SLC9A9: variants seen among roughly 807,000 people sequenced by gnomAD.
SLC9A9 encodes solute carrier family 9 member A9.
SLC9A9 carries 62 observed loss-of-function variants against 77.8 expected under a neutral mutation model. That is an observed-to-expected ratio of 0.80 (90% CI 0.65 to 0.98). The LOEUF (loss-of-function observed/expected upper bound fraction) is 0.98, where lower values mean the gene tolerates loss of function less well. SLC9A9 is among the 50% of genes least tolerant of loss of function. The probability of loss-of-function intolerance (pLI) is 0.00; values close to 1 mark genes in which losing one functional copy is unlikely to be tolerated. For synonymous variants in SLC9A9, 320 were observed against 283.5 expected (o/e 1.13, Z -1.29); for missense variants, 775 against 774.9 (o/e 1.00, Z 0.00).
At chr3:143,502,963 T>G (rs148716303) in intron 9 of SLC9A9, among the ~76,000 whole-genome samples, 2 of 152,256 alleles carry the variant, frequency 1.3e-5, no homozygotes, top group African/African-American at 4.8e-5. Context: ...AGCTGGCATA[T>G]AGGTGAATAA....
At chr3:143,304,098 C>G (rs2030662451) in intron 14 of SLC9A9, among the ~76,000 whole-genome samples, 1 of 152,184 alleles carries the variant, frequency 6.6e-6, no homozygotes, top group African/African-American at 2.4e-5. Context: ...CTTAGTCACC[C>G]ACTGGAATGG....
rs71140437 is a variant in SLC9A9, at chr3:143,456,568, C to CT, written c.1469+10468dup. Among the ~76,000 whole-genome samples the CT allele has an allele frequency of 8.0e-3, 1,140 of 142,622 alleles. 10 individuals are homozygous for CT. The highest frequency in any genetic ancestry group is 0.023 in the African/African-American group (879 of 38,704). 93.6% of individuals were successfully genotyped at this position (142,622 alleles called of 152,430 possible). On this transcript the variant is annotated intron_variant, in intron 12 of 15. Transcript: ENST00000316549. Reference sequence around the variant, plus strand: ...AACTCTAAATTCTATTTCTTTCTTTCTTTTTTTTTTTTTTGAGATAGAGTC... The same window carrying CT: ...AACTCTAAATTCTATTTCTTTCTTTCTTTTTTTTTTTTTTTGAGATAGAGTC...
intron 9 of SLC9A9, among the ~76,000 whole-genome samples, chr3:143,497,707 G>A (rs1046861506): frequency 5.3e-5 from 8 of 152,166 alleles, no homozygotes; most frequent in Admixed American, 6.5e-5. Context: ...AAGAGATCAC[G>A]AAATCACTTT....
chr3:143,317,965 G>A (rs2031281594), intron 14 of SLC9A9, among the ~76,000 whole-genome samples: 1 of 152,156 alleles, frequency 6.6e-6, no homozygotes, highest in Non-Finnish European at 1.5e-5. Context: ...CTGACCTCAT[G>A]ATCTGCCCAC....
At chr3:143,743,729 T>C (rs1212077589) in intron 4 of SLC9A9, among the ~76,000 whole-genome samples, 2 of 152,210 alleles carry the variant, frequency 1.3e-5, no homozygotes, top group African/African-American at 2.4e-5. Context: ...AATAATGCTT[T>C]ATCTGTTCTC....
At chr3:143,792,073 C>T (rs2008241913) in intron 4 of SLC9A9, among the ~76,000 whole-genome samples, 1 of 152,156 alleles carries the variant, frequency 6.6e-6, no homozygotes, top group Admixed American at 6.5e-5. Context: ...TTTTAAACCT[C>T]AGTTGTTTCA....
intron 1 of SLC9A9, among the ~76,000 whole-genome samples, chr3:143,833,109 G>A (rs2009479799): frequency 6.6e-6 from 1 of 152,114 alleles, no homozygotes; most frequent in African/African-American, 2.4e-5. Flanking sequence ...TTATTAACAA[G>A]CAACAGAGAA....
chr3:143,762,831 A>C (rs963524461), intron 4 of SLC9A9, among the ~76,000 whole-genome samples: 1 of 152,042 alleles, frequency 6.6e-6, no homozygotes, highest in Middle Eastern at 3.2e-3. Flanking sequence ...TTTACATCCT[A>C]CCCCTTTGAG....
intron 4 of SLC9A9, among the ~76,000 whole-genome samples, chr3:143,750,487 C>T (rs2006666746): frequency 6.6e-6 from 1 of 152,168 alleles, no homozygotes; most frequent in Admixed American, 6.5e-5. Context: ...ACTAATTGAA[C>T]TTCCCATTAC....
intron 12 of SLC9A9, among the ~76,000 whole-genome samples, chr3:143,432,294 A>G (rs2034534199): frequency 6.6e-6 from 1 of 152,152 alleles, no homozygotes; most frequent in Admixed American, 6.5e-5. Flanking sequence ...AAACTCTCTC[A>G]GCTCCTGATG....
At chr3:143,596,475 A>G (rs1237282831) in intron 6 of SLC9A9, among the ~76,000 whole-genome samples, 4 of 152,160 alleles carry the variant, frequency 2.6e-5, no homozygotes, top group African/African-American at 9.7e-5. Flanking sequence ...TATTATTTCC[A>G]TAAGTTAATA....
chr3:143,507,002 G>T (rs1367132412), intron 9 of SLC9A9, among the ~76,000 whole-genome samples: 1 of 151,792 alleles, frequency 6.6e-6, no homozygotes. Flanking sequence ...TTTTTCAAAG[G>T]TTAACAGTCC....
intron 8 of SLC9A9, among the ~76,000 whole-genome samples, chr3:143,567,014 A>G (rs1445851220): frequency 1.3e-5 from 2 of 152,158 alleles, no homozygotes; most frequent in South Asian, 2.1e-4. Context: ...AGTATTTTCA[A>G]TATTCATTTA....
At chr3:143,546,180 CAG>C (rs2036785392) in intron 9 of SLC9A9, among the ~76,000 whole-genome samples, 1 of 152,180 alleles carries the variant, frequency 6.6e-6, no homozygotes, top group South Asian at 2.1e-4. Flanking sequence ...TTTGAATTTT[CAG>C]AGTCATGCAC....
At chr3:143,598,549 G>T (rs1211255903) in intron 6 of SLC9A9, among the ~76,000 whole-genome samples, 1 of 152,214 alleles carries the variant, frequency 6.6e-6, no homozygotes, top group African/African-American at 2.4e-5. Context: ...TTTACACTGT[G>T]ATTATAACTT....
Position 143,636,419 on chromosome 3 carries a change from A to G in SLC9A9, c.755+15836T>C, listed in dbSNP as rs1442886575. Among the ~76,000 whole-genome samples, 6 of 152,198 alleles carry G rather than the reference A, an allele frequency of 3.9e-5. No individual in the cohort carries two copies. In the East Asian group the frequency reaches 9.6e-4, roughly 24 times the overall value. ...GTCTCTTGTATTTTCTAAGTAGACA[A>G]TCATATCCGCTCATCTATTAAGTAT... On this transcript the variant is annotated intron_variant, in intron 6 of 15. Transcript: ENST00000316549.
intron 14 of SLC9A9, among the ~76,000 whole-genome samples, chr3:143,275,513 A>G (rs910139928): frequency 3.9e-5 from 6 of 152,012 alleles, no homozygotes; most frequent in Admixed American, 6.5e-5. Flanking sequence ...TTAATCTTCA[A>G]TATGTGTCAC....
At chr3:143,498,351 A>T (rs945341333) in intron 9 of SLC9A9, among the ~76,000 whole-genome samples, 1 of 152,112 alleles carries the variant, frequency 6.6e-6, no homozygotes, top group Non-Finnish European at 1.5e-5. Flanking sequence ...GTTTAAAGAA[A>T]TGTTGCAGCC....
intron 14 of SLC9A9, among the ~76,000 whole-genome samples, chr3:143,280,847 C>A (rs924846544): frequency 6.6e-6 from 1 of 152,324 alleles, no homozygotes; most frequent in African/African-American, 2.4e-5. Context: ...GCTACCGCGC[C>A]TAGCCAGAAA....
Sources: allele counts gnomAD v4.1 joint callset (sites outside exome capture counted in the v4.1 genomes callset), GRCh38; gene constraint gnomAD v4.1.1; transcripts MANE v1.5; gene names NCBI Gene and HGNC (gene_info 2026-07-23, HGNC 2026-07-21).